FKBP14: variants seen among roughly 807,000 people sequenced by gnomAD.
The protein encoded by FKBP14 is peptidyl-prolyl cis-trans isomerase FKBP14.
FKBP14 carries 20 observed loss-of-function variants against 21.6 expected under a neutral mutation model. The observed-to-expected ratio is 0.92, with a 90% CI of 0.65 to 1.34. The LOEUF is 1.34. FKBP14 is among the 40% of genes most tolerant of loss of function. The pLI, the probability that FKBP14 is intolerant of heterozygous loss-of-function variation, is 0.00. For missense variants in FKBP14, 253 were observed against 249.0 expected (o/e 1.02, Z -0.11); for synonymous variants, 79 against 86.7 (o/e 0.91, Z 0.49).
downstream of FKBP14, chr7:30,008,171 C>T (rs1289999385): frequency 6.6e-6 from 1 of 152,176 alleles, no homozygotes; most frequent in African/African-American, 2.4e-5. Context: ...AAATGTGAAT[C>T]ACCGCTACAT....
downstream of FKBP14, among the ~76,000 whole-genome samples, chr7:30,006,251 AG>A (rs1282658341): frequency 6.6e-6 from 1 of 151,214 alleles, no homozygotes; most frequent in Non-Finnish European, 1.5e-5. Flanking sequence ...CCTCCTGAGT[AG>A]CTGGGACTAC....
intron 3 of FKBP14, among the ~76,000 whole-genome samples, chr7:30,018,639 A>T (rs1789952308): frequency 1.3e-5 from 2 of 152,258 alleles, no homozygotes; most frequent in Non-Finnish European, 2.9e-5. Context: ...CAGGACAGCT[A>T]GCTTCTTATA....
intron 2 of FKBP14, among the ~76,000 whole-genome samples, chr7:30,022,143 T>C (rs1339988205): frequency 6.6e-6 from 1 of 152,208 alleles, no homozygotes; most frequent in African/African-American, 2.4e-5. Flanking sequence ...ACAACCCATA[T>C]ATAACCCACA....
Position 30,026,638 on chromosome 7 carries a change from G to A in FKBP14, c.-130C>T. 1.3e-6 allele frequency: 1 copy of A among 753,452 alleles called. No homozygotes were observed. The highest frequency in any genetic ancestry group is 2.1e-6 in the Non-Finnish European group (1 of 483,224). 46.7% of individuals were successfully genotyped at this position (753,452 alleles called of 1,614,324 possible). On this transcript the variant is annotated 5_prime_UTR_variant, in exon 1 of 4. Coordinates refer to ENST00000222803, the MANE Select transcript of FKBP14 (RefSeq NM_017946.4). ...AGTTCAGGACTCCCCCTTCTTAGAA[G>A]ACGTGGCACATTTACCACCAACTCT... is the stretch of plus-strand genomic sequence containing the variant.
downstream of FKBP14, among the ~76,000 whole-genome samples, chr7:30,009,250 T>G (rs1161636587): frequency 6.6e-6 from 1 of 151,818 alleles, no homozygotes; most frequent in Non-Finnish European, 1.5e-5. Context: ...TTTTTTTTTT[T>G]GAGATGGAAT....
intron 1 of FKBP14, among the ~76,000 whole-genome samples, chr7:30,025,090 C>A (rs1287411208): frequency 6.6e-6 from 1 of 152,144 alleles, no homozygotes; most frequent in Non-Finnish European, 1.5e-5. Context: ...CAAGACAGAC[C>A]AGGTCTGAAT....
At position 30,013,686 on chromosome 7, in the gene FKBP14, A is replaced by G. The variant is rs1789804891; in HGVS notation, c.*1049T>C. The G allele has an allele frequency of 6.6e-6, 1 of 152,190 alleles. No homozygotes were observed. Among genetic ancestry groups the G allele is most frequent in the South Asian group, 2.1e-4 (1 of 4,832 alleles). The allele number at this position is 152,190 out of a possible 1,614,324, so 9.4% of individuals were successfully genotyped here. ...CAGGAAGGATATTCCGCTAGCCTTA[A>G]GAAGTAAATATTGAATATAAATATA... On this transcript the variant is annotated 3_prime_UTR_variant, in exon 4 of 4. Transcript: ENST00000222803.
chr7:30,006,490 C>A (rs530323169), downstream of FKBP14, among the ~76,000 whole-genome samples: 2 of 151,000 alleles, frequency 1.3e-5, no homozygotes, highest in African/African-American at 2.4e-5. Flanking sequence ...GGGTGTGTTG[C>A]AGATAATTCT....
chr7:30,024,191 A>AT (rs1378512679), intron 1 of FKBP14, among the ~76,000 whole-genome samples: 2 of 152,144 alleles, frequency 1.3e-5, no homozygotes, highest in African/African-American at 2.4e-5. Context: ...GGGTAATGCC[A>AT]TTTTTTCCTG....
downstream of FKBP14, among the ~76,000 whole-genome samples, chr7:30,009,364 C>G (rs575929905): frequency 6.6e-6 from 1 of 151,818 alleles, no homozygotes; most frequent in Non-Finnish European, 1.5e-5. Context: ...TCCCTAGTAG[C>G]TGGGATTACA....
chr7:30,017,132 G>T (rs777891629), intron 3 of FKBP14, among the ~76,000 whole-genome samples: 8 of 151,814 alleles, frequency 5.3e-5, no homozygotes, highest in Admixed American at 1.3e-4. Context: ...AAACTAAGCC[G>T]GGTGCAATGG....
downstream of FKBP14, among the ~76,000 whole-genome samples, chr7:30,007,625 A>G (rs1372764233): frequency 6.6e-6 from 1 of 152,228 alleles, no homozygotes; most frequent in African/African-American, 2.4e-5. Context: ...TGGAATACAT[A>G]AAAGAATGTT....
rs759381765 is a variant in FKBP14 at position 30,022,770 on chromosome 7, G to A, written c.244C>T (p.Leu82=). ...GQPIWFTLGI[L]EALKGWDQGL... ...TGGTCCCAACCTTTGAGAGCCTCCA[G>A]GATGCCCAGGGTAAACCAAATGGGC... The change falls in exon 2 of 4, where the codon CTG becomes TTG. Residue 82 remains leucine, a synonymous_variant. Coordinates refer to ENST00000222803, the MANE Select transcript of FKBP14 (RefSeq NM_017946.4). The A allele has an allele frequency of 6.2e-7, 1 of 1,614,108 alleles. No homozygotes were observed. The highest frequency in any genetic ancestry group is 1.7e-5 in the Admixed American group (1 of 60,020).
At chr7:30,022,134 CAACCCATATATAACCCACATCTAA>C (rs905409630) in intron 2 of FKBP14, among the ~76,000 whole-genome samples, 12 of 152,108 alleles carry the variant, frequency 7.9e-5, no homozygotes, top group Non-Finnish European at 2.9e-5. Context: ...TCATGAAGTA[CAACCCATATATAACCCACATCTAA>C]AATGCATTCA....
downstream of FKBP14, among the ~76,000 whole-genome samples, chr7:30,006,545 T>C (rs1285978492): frequency 6.6e-6 from 1 of 152,124 alleles, no homozygotes; most frequent in Non-Finnish European, 1.5e-5. Flanking sequence ...AGTTCAGTGC[T>C]CTTTTCCTTT....
chr7:30,014,770 C>A lies in FKBP14; in HGVS notation c.601G>T (p.Ala201Ser), dbSNP rs1583725461. The A allele has an allele frequency of 1.2e-6, 2 of 1,606,042 alleles. No homozygotes were observed. The highest frequency in any genetic ancestry group is 1.7e-6 in the Non-Finnish European group (2 of 1,177,324). The change falls in exon 4 of 4, where the codon GCC (alanine) becomes TCC (serine). Residue 201 changes from alanine (A) to serine (S), a missense_variant. Ala to Ser is a moderately conservative substitution (Grantham distance 99). Coordinates refer to ENST00000222803, the MANE Select transcript of FKBP14 (RefSeq NM_017946.4). ...EDEDKDGFIS[A>S]REFTYKHDEL ...TCGTGTTTATATGTAAATTCTCTGG[C>A]AGATATAAACCCATCTTTGTCTTCA...
chr7:30,026,266 A>G, intron 1 of FKBP14, 46 bp downstream of exon 1: 6 of 1,535,480 alleles, frequency 3.9e-6, no homozygotes, highest in Non-Finnish European at 5.3e-6. Flanking sequence ...GGCATAAGTG[A>G]GTGGATTCTT....
At position 30,011,469 on chromosome 7, in the gene FKBP14, C is replaced by T. The variant is rs148861811; in HGVS notation, c.*3266G>A. Reference sequence around the variant, plus strand: ...CCACTGACTCATCCAGAGCAACTTCCAGTTCTGTAAGCTCCGTTAGTAAGT... The same window carrying T: ...CCACTGACTCATCCAGAGCAACTTCTAGTTCTGTAAGCTCCGTTAGTAAGT... On this transcript the variant is annotated 3_prime_UTR_variant, in exon 4 of 4. Coordinates refer to ENST00000222803, the MANE Select transcript of FKBP14 (RefSeq NM_017946.4). The T allele has an allele frequency of 3.9e-4, 59 of 149,606 alleles. 1 individual carries two copies. Among genetic ancestry groups the T allele is most frequent in the African/African-American group, 1.3e-3 (54 of 40,496 alleles). The allele number at this position is 149,606 out of a possible 1,614,324, so 9.3% of individuals were successfully genotyped here.
At chr7:30,022,305 T>C (rs1790051770) in intron 2 of FKBP14, 2 of 157,598 alleles carry the variant, frequency 1.3e-5, no homozygotes, top group African/African-American at 4.8e-5. Context: ...TGGATAGTGG[T>C]GATGGTTCCA....
Sources: allele counts gnomAD v4.1 joint callset (sites outside exome capture counted in the v4.1 genomes callset), GRCh38; gene constraint gnomAD v4.1.1; transcripts MANE v1.5; gene names NCBI Gene and HGNC (gene_info 2026-07-23, HGNC 2026-07-21).